The following PAPPA2 variants were observed in gnomAD, a reference collection of about 807,000 sequenced individuals.
PAPPA2 encodes the protein pappalysin-2.
Under a neutral mutation model 176.4 loss-of-function variants are expected in PAPPA2, and 86 were observed. That is an observed-to-expected ratio of 0.49 (90% CI 0.41 to 0.58). The LOEUF is 0.58. PAPPA2 is among the 20% of genes least tolerant of loss of function. The pLI, the probability that PAPPA2 is intolerant of heterozygous loss-of-function variation, is 0.00. For synonymous variants in PAPPA2, 809 were observed against 852.2 expected, an observed-to-expected ratio of 0.95 and a Z score of 0.88; for missense variants, 2,073 against 2,256.9, an observed-to-expected ratio of 0.92 and a Z score of 1.65.
At chr1:176,664,036 G>A (rs1454214938) in intron 3 of PAPPA2, among the ~76,000 whole-genome samples, 1 of 152,052 alleles carries the variant, frequency 6.6e-6, no homozygotes, top group East Asian at 1.9e-4. Context: ...TGGCCTCAGG[G>A]TTTTTTAAAA....
In PAPPA2 at chr1:176,565,925, G is replaced by A. The variant is rs1257442888; in HGVS notation, c.919+8684G>A. ...GCTTCTTGAAGGTATCCTCAGATGGGCCTTTTCTTCCCTGAACCTTCACCT... is the reference window on the plus strand; with the variant it reads ...GCTTCTTGAAGGTATCCTCAGATGGACCTTTTCTTCCCTGAACCTTCACCT... On this transcript the variant is annotated intron_variant, in intron 2 of 22. Transcript: ENST00000367662. Among the ~76,000 whole-genome samples, 4 of 152,192 alleles carry A rather than the reference G, an allele frequency of 2.6e-5. No homozygotes were observed. In the East Asian group the frequency reaches 7.7e-4, roughly 29 times the overall value.
chr1:176,506,148 T>A (rs576964030), intron 1 of PAPPA2, among the ~76,000 whole-genome samples: 63 of 152,254 alleles, frequency 4.1e-4, no homozygotes, highest in African/African-American at 1.4e-3. Context: ...CAAAAATCAG[T>A]CAGATGGTTA....
At chr1:176,551,677 C>G (rs764367269) in intron 1 of PAPPA2, among the ~76,000 whole-genome samples, 1 of 152,162 alleles carries the variant, frequency 6.6e-6, no homozygotes, top group Non-Finnish European at 1.5e-5. Context: ...ACACTCCTGA[C>G]GTCCTGGGCT....
chr1:176,511,335 C>T (rs1239904506), intron 1 of PAPPA2, among the ~76,000 whole-genome samples: 3 of 152,156 alleles, frequency 2.0e-5, no homozygotes, highest in Non-Finnish European at 4.4e-5. Context: ...ATGATTAAAA[C>T]TCTCAACAAA....
intron 14 of PAPPA2, among the ~76,000 whole-genome samples, chr1:176,758,661 C>T (rs1035343592): frequency 4.6e-5 from 7 of 152,140 alleles, no homozygotes; most frequent in Non-Finnish European, 7.3e-5. Flanking sequence ...CTAGAAAGAC[C>T]TCTGGGACTG....
chr1:176,557,125 G>A lies in PAPPA2; in HGVS notation c.803G>A (p.Arg268Lys), dbSNP rs777045231. The A allele has an allele frequency of 1.2e-6, 2 of 1,613,948 alleles. No homozygotes were observed. The highest frequency in any genetic ancestry group is 1.7e-5 in the Admixed American group (1 of 60,004). The change falls in exon 2 of 23, where the codon AGG becomes AAG. Residue 268 changes from arginine (R) to lysine (K), a missense_variant. Coordinates refer to ENST00000367662, the MANE Select transcript of PAPPA2 (RefSeq NM_020318.3). ...CTGCCCATCTTATACTTCTCTGGGAGGCGGGAGCGGCTGCTGCTGCGTCCA... is the reference window on the plus strand; with the variant it reads ...CTGCCCATCTTATACTTCTCTGGGAAGCGGGAGCGGCTGCTGCTGCGTCCA... ...VGLPILYFSG[R>K]RERLLLRPEV...
At chr1:176,744,148 A>C (rs1662803875) in intron 14 of PAPPA2, among the ~76,000 whole-genome samples, 1 of 152,106 alleles carries the variant, frequency 6.6e-6, no homozygotes, top group African/African-American at 2.4e-5. Context: ...TTAAGTATAT[A>C]ATTTTTTGTG....
chr1:176,670,716 A>G (rs1558508905), intron 3 of PAPPA2, among the ~76,000 whole-genome samples: 1 of 152,200 alleles, frequency 6.6e-6, no homozygotes, highest in Non-Finnish European at 1.5e-5. Flanking sequence ...ATTGAGTATG[A>G]TGTCAAATAT....
At chr1:176,828,800 G>A (rs545832794) in intron 21 of PAPPA2, among the ~76,000 whole-genome samples, 14 of 151,934 alleles carry the variant, frequency 9.2e-5, no homozygotes, top group African/African-American at 3.4e-4. Flanking sequence ...TCAGGAGTTC[G>A]AGACCAGCCT....
intron 1 of PAPPA2, among the ~76,000 whole-genome samples, chr1:176,547,305 T>C (rs977121367): frequency 1.2e-4 from 18 of 152,164 alleles, no homozygotes; most frequent in Non-Finnish European, 7.4e-5. Context: ...CTGAGATAGA[T>C]TGAAACCCTA....
At chr1:176,804,490 T>C (rs1331991511) in intron 21 of PAPPA2, among the ~76,000 whole-genome samples, 1 of 152,174 alleles carries the variant, frequency 6.6e-6, no homozygotes, top group Admixed American at 6.5e-5. Context: ...CAAATGCCAA[T>C]AATACTGCCC....
chr1:176,762,228 C>G (rs1663732301), intron 14 of PAPPA2, among the ~76,000 whole-genome samples: 1 of 150,372 alleles, frequency 6.7e-6, no homozygotes, highest in Non-Finnish European at 1.5e-5. Context: ...TTTCTCACTT[C>G]ATAAACAGGT....
chr1:176,690,627 T>A (rs1182832119), intron 5 of PAPPA2, 197 bp downstream of exon 5: 1 of 1,382,404 alleles, frequency 7.2e-7, no homozygotes, highest in Non-Finnish European at 9.4e-7. Flanking sequence ...CATATTAAGG[T>A]ACTTTGTTCA....
intron 14 of PAPPA2, among the ~76,000 whole-genome samples, chr1:176,754,131 G>GC (rs1233693445): frequency 1.3e-5 from 2 of 151,666 alleles, no homozygotes; most frequent in African/African-American, 4.8e-5. Flanking sequence ...TTCCAGAATA[G>GC]CCTTTATTGA....
chr1:176,782,485 G>C (rs551050479), intron 17 of PAPPA2, among the ~76,000 whole-genome samples: 2 of 152,048 alleles, frequency 1.3e-5, no homozygotes, highest in East Asian at 3.9e-4. Context: ...CTTTTGGGTG[G>C]TAAGAATTAT....
intron 1 of PAPPA2, among the ~76,000 whole-genome samples, chr1:176,497,934 A>T (rs1212160391): frequency 6.6e-6 from 1 of 152,218 alleles, no homozygotes; most frequent in East Asian, 1.9e-4. Flanking sequence ...TTCCCTACAG[A>T]AAAGACTGTT....
At chr1:176,473,415 T>C (rs1328432745) in intron 1 of PAPPA2, among the ~76,000 whole-genome samples, 1 of 152,214 alleles carries the variant, frequency 6.6e-6, no homozygotes, top group African/African-American at 2.4e-5. Flanking sequence ...GGATTTATCA[T>C]AGTTTATTTC....
intron 6 of PAPPA2, 113 bp from the exon 7 acceptor site, chr1:176,695,625 C>T (rs1319403172): frequency 2.4e-6 from 3 of 1,234,962 alleles, no homozygotes; most frequent in South Asian, 2.8e-5. Context: ...TCTCTAGGTC[C>T]TTACTAACCA....
intron 14 of PAPPA2, among the ~76,000 whole-genome samples, chr1:176,761,369 A>G (rs1663692077): frequency 6.6e-6 from 1 of 152,216 alleles, no homozygotes; most frequent in African/African-American, 2.4e-5. Context: ...GACAAGGTAC[A>G]TCATATTCTT....
Sources: gnomAD v4.1 joint callset for allele counts (sites outside exome capture counted in the v4.1 genomes callset) on GRCh38, gnomAD v4.1.1 for gene constraint, MANE v1.5 for transcripts, NCBI Gene and HGNC (gene_info 2026-07-23, HGNC 2026-07-21) for gene names.